The following C8orf34 variants were observed in gnomAD, a reference collection of about 807,000 sequenced individuals.
C8orf34 encodes the protein chromosome 8 open reading frame 34, also known as uncharacterized protein C8orf34.
Under a neutral mutation model 68.3 loss-of-function variants are expected in C8orf34, and 65 were observed. The ratio of observed to expected loss-of-function variants is 0.95; its 90% CI spans 0.78 to 1.17. The LOEUF is 1.17. Among genes scored for constraint, C8orf34 ranks in the 50% most tolerant of loss-of-function variants. The pLI is 0.00. For synonymous variants in C8orf34, 244 were observed against 241.2 expected, an observed-to-expected ratio of 1.01 and a Z score of -0.11; for missense variants, 664 against 655.4, an observed-to-expected ratio of 1.01 and a Z score of -0.14.
chr8:68,494,527 G>A (rs567758916), intron 5 of C8orf34, among the ~76,000 whole-genome samples: 2 of 152,198 alleles, frequency 1.3e-5, no homozygotes, highest in Admixed American at 1.3e-4. Flanking sequence ...TTAAGATGGT[G>A]AATTTTATGT....
At chr8:68,642,774 C>A (rs922335089) in intron 8 of C8orf34, among the ~76,000 whole-genome samples, 4 of 152,184 alleles carry the variant, frequency 2.6e-5, no homozygotes, top group African/African-American at 9.7e-5. Flanking sequence ...AGTCTTCAAC[C>A]GTTTTGGCAC....
At chr8:68,730,020 T>C (rs1821936545) in intron 10 of C8orf34, among the ~76,000 whole-genome samples, 2 of 152,136 alleles carry the variant, frequency 1.3e-5, no homozygotes, top group Admixed American at 1.3e-4. Context: ...AGAAGCAAAG[T>C]TGAGTGAATG....
intron 1 of C8orf34, among the ~76,000 whole-genome samples, chr8:68,425,124 G>A (rs1810153234): frequency 1.3e-5 from 2 of 151,848 alleles, no homozygotes; most frequent in Admixed American, 6.6e-5. Context: ...AAAATAGAGG[G>A]GAACTTCCTT....
chr8:68,635,992 C>A (rs549428492), intron 7 of C8orf34, among the ~76,000 whole-genome samples: 2 of 152,286 alleles, frequency 1.3e-5, no homozygotes, highest in East Asian at 3.9e-4. Context: ...CTATCACTTG[C>A]ATTTACCAGA....
intron 8 of C8orf34, among the ~76,000 whole-genome samples, chr8:68,642,118 C>A (rs1472311831): frequency 6.6e-6 from 1 of 152,148 alleles, no homozygotes; most frequent in African/African-American, 2.4e-5. Context: ...GAAACTCAGG[C>A]AGCATAGGTT....
At chr8:68,815,755 T>C (rs1824791911) in intron 12 of C8orf34, 131 bp from the exon 13 acceptor site, 2 of 1,456,974 alleles carry the variant, frequency 1.4e-6, no homozygotes, top group East Asian at 4.9e-5. Flanking sequence ...GCACAGTACA[T>C]ACTATAAATG....
chr8:68,344,776 A>G (rs1806212031), intron 1 of C8orf34, among the ~76,000 whole-genome samples: 1 of 152,152 alleles, frequency 6.6e-6, no homozygotes, highest in Admixed American at 6.5e-5. Flanking sequence ...TTGGATAAAG[A>G]TAAAGAAGTG....
chr8:68,698,824 A>T (rs575812905), intron 8 of C8orf34, among the ~76,000 whole-genome samples: 1 of 152,162 alleles, frequency 6.6e-6, no homozygotes, highest in East Asian at 1.9e-4. Flanking sequence ...TGGGAAGAAA[A>T]TTTAGTGTTC....
intron 8 of C8orf34, among the ~76,000 whole-genome samples, chr8:68,690,923 C>T (rs1820668394): frequency 6.6e-6 from 1 of 151,990 alleles, no homozygotes; most frequent in South Asian, 2.1e-4. Flanking sequence ...GTCTCAAATT[C>T]CCAGCCTTGA....
At chr8:68,460,979 T>A (rs1178957892) in intron 3 of C8orf34, among the ~76,000 whole-genome samples, 1 of 152,144 alleles carries the variant, frequency 6.6e-6, no homozygotes, top group Admixed American at 6.5e-5. Flanking sequence ...AGGCTTCAGA[T>A]GATCAAACTA....
intron 10 of C8orf34, among the ~76,000 whole-genome samples, chr8:68,773,534 A>G (rs1179748069): frequency 6.6e-6 from 1 of 151,896 alleles, no homozygotes; most frequent in Non-Finnish European, 1.5e-5. Flanking sequence ...CCGAGTAGCT[A>G]GGATTACAGG....
At chr8:68,507,852 A>G (rs997790606) in intron 5 of C8orf34, among the ~76,000 whole-genome samples, 2 of 152,290 alleles carry the variant, frequency 1.3e-5, no homozygotes, top group Admixed American at 1.3e-4. Context: ...GTGAAAAACT[A>G]TATCCGTAAT....
At chr8:68,641,454 A>T (rs1294258141) in intron 8 of C8orf34, among the ~76,000 whole-genome samples, 4 of 152,236 alleles carry the variant, frequency 2.6e-5, no homozygotes, top group African/African-American at 9.6e-5. Context: ...ATGGCATAGC[A>T]TAGTGAAAAC....
intron 7 of C8orf34, among the ~76,000 whole-genome samples, chr8:68,540,919 G>GAAAT (rs1563519009): frequency 6.6e-6 from 1 of 152,064 alleles, no homozygotes; most frequent in Non-Finnish European, 1.5e-5. Flanking sequence ...TTTATTGCAG[G>GAAAT]AAATTAATTA....
In C8orf34 at chr8:68,524,440, A is replaced by G. The variant is rs1359401419; in HGVS notation, c.938+2469A>G. Reference sequence around the variant, plus strand: ...AGAAAAGAAACTGTGAGGGTGATAAATGGAAACTAGCAGACTAAGACAAGA... The same window carrying G: ...AGAAAAGAAACTGTGAGGGTGATAAGTGGAAACTAGCAGACTAAGACAAGA... On this transcript the variant is annotated intron_variant, in intron 6 of 13. Transcript: ENST00000518698. Among the ~76,000 whole-genome samples, 5 of 152,232 alleles carry G rather than the reference A, an allele frequency of 3.3e-5. No individual in the cohort carries two copies. The East Asian group carries it at 9.6e-4, about 29-fold the overall frequency.
At chr8:68,810,511 T>C (rs544383572) in intron 12 of C8orf34, among the ~76,000 whole-genome samples, 1 of 152,216 alleles carries the variant, frequency 6.6e-6, no homozygotes, top group Admixed American at 6.5e-5. Context: ...TTCTCTCTTC[T>C]CTACTTCTCG....
intron 11 of C8orf34, among the ~76,000 whole-genome samples, chr8:68,785,426 AT>A (rs1823817746): frequency 6.7e-6 from 1 of 148,212 alleles, no homozygotes; most frequent in African/African-American, 2.5e-5. Flanking sequence ...CTGTTTGTTC[AT>A]TTCCAGAGTA....
chr8:68,469,061 A>G (rs1017868106), intron 4 of C8orf34, among the ~76,000 whole-genome samples: 2 of 152,032 alleles, frequency 1.3e-5, no homozygotes, highest in African/African-American at 4.8e-5. Flanking sequence ...TGGCTCCAAC[A>G]CTTGTACATG....
intron 8 of C8orf34, among the ~76,000 whole-genome samples, chr8:68,656,088 C>G (rs1474600382): frequency 6.6e-6 from 1 of 152,152 alleles, no homozygotes; most frequent in Admixed American, 6.6e-5. Flanking sequence ...TGATGCTGCT[C>G]TCCTCTTCCA....
Sources: gnomAD v4.1 joint callset for allele counts (sites outside exome capture counted in the v4.1 genomes callset) on GRCh38, gnomAD v4.1.1 for gene constraint, MANE v1.5 for transcripts, NCBI Gene and HGNC (gene_info 2026-07-23, HGNC 2026-07-21) for gene names.